DGKB: variants seen among roughly 807,000 people sequenced by gnomAD.
DGKB encodes the protein diacylglycerol kinase beta.
DGKB carries 67 observed loss-of-function variants against 114.3 expected under a neutral mutation model. That is an observed-to-expected ratio of 0.59 (90% confidence interval 0.48 to 0.72). DGKB has a LOEUF of 0.72. Among genes scored for constraint, DGKB ranks in the 30% least tolerant of loss-of-function variants. The pLI, the probability that DGKB is intolerant of heterozygous loss-of-function variation, is 0.00. For missense variants in DGKB, 907 were observed against 975.2 expected (o/e 0.93, Z 0.93); for synonymous variants, 398 against 323.1 (o/e 1.23, Z -2.49).
chr7:14,438,160 A>G (rs1829557817), intron 21 of DGKB, among the ~76,000 whole-genome samples: 1 of 152,094 alleles, frequency 6.6e-6, no homozygotes, highest in African/African-American at 2.4e-5. Context: ...ATTAATTCAA[A>G]CTTGACAGAT....
chr7:14,202,722 A>G (rs1786099639), intron 23 of DGKB, among the ~76,000 whole-genome samples: 1 of 152,006 alleles, frequency 6.6e-6, no homozygotes, highest in Non-Finnish European at 1.5e-5. Flanking sequence ...TAAAATTTAA[A>G]ATTCCGTCTT....
intron 6 of DGKB, among the ~76,000 whole-genome samples, chr7:14,704,723 C>G (rs1474016814): frequency 1.3e-5 from 2 of 152,110 alleles, no homozygotes; most frequent in Non-Finnish European, 2.9e-5. Flanking sequence ...ACACCTCACA[C>G]GGCAGGGTAT....
At chr7:14,795,270 G>T (rs1408492124) in intron 2 of DGKB, among the ~76,000 whole-genome samples, 1 of 152,174 alleles carries the variant, frequency 6.6e-6, no homozygotes, top group African/African-American at 2.4e-5. Context: ...TTAAGCAAAG[G>T]TTCTGCATTA....
intron 4 of DGKB, 121 bp downstream of exon 4, chr7:14,753,806 TG>T: frequency 1.4e-6 from 1 of 735,638 alleles, no homozygotes; most frequent in African/African-American, 1.8e-5. Flanking sequence ...TAGGCAACCT[TG>T]TATACTATAG....
chr7:14,680,013 C>T (rs1419088265), intron 12 of DGKB, among the ~76,000 whole-genome samples: 1 of 151,834 alleles, frequency 6.6e-6, no homozygotes, highest in African/African-American at 2.4e-5. Flanking sequence ...TAAAAATTTG[C>T]ACAAGTTGTG....
intron 1 of DGKB, among the ~76,000 whole-genome samples, chr7:14,854,998 T>TTGGTTC (rs1421674859): frequency 6.6e-6 from 1 of 152,100 alleles, no homozygotes; most frequent in Non-Finnish European, 1.5e-5. Flanking sequence ...AGAGACACCC[T>TTGGTTC]TCAAATGAAC....
chr7:14,331,628 T>C (rs1319326758), intron 23 of DGKB, among the ~76,000 whole-genome samples: 2 of 152,052 alleles, frequency 1.3e-5, no homozygotes, highest in Non-Finnish European at 2.9e-5. Flanking sequence ...AAAGCACACA[T>C]AGATTAATCT....
intron 23 of DGKB, among the ~76,000 whole-genome samples, chr7:14,302,031 C>T (rs1396382195): frequency 1.3e-5 from 2 of 152,028 alleles, no homozygotes; most frequent in African/African-American, 4.8e-5. Context: ...CTCTGTAATC[C>T]TACAGAGCAA....
chr7:14,424,654 GT>G (rs1287043725), intron 21 of DGKB, among the ~76,000 whole-genome samples: 1 of 151,990 alleles, frequency 6.6e-6, no homozygotes, highest in Non-Finnish European at 1.5e-5. Flanking sequence ...TAAAGGTATG[GT>G]TAAGCTTCAA....
chr7:14,340,039 C>T (rs1234358148), intron 22 of DGKB, among the ~76,000 whole-genome samples: 1 of 151,610 alleles, frequency 6.6e-6, no homozygotes, highest in African/African-American at 2.4e-5. Flanking sequence ...AAAATAAAAA[C>T]TGTGAAATAA....
intron 20 of DGKB, among the ~76,000 whole-genome samples, chr7:14,489,806 G>T (rs1784355173): frequency 6.6e-6 from 1 of 151,982 alleles, no homozygotes; most frequent in Non-Finnish European, 1.5e-5. Context: ...GGGGAAATGA[G>T]ATAGAAGAAA....
chr7:14,331,334 T>G (rs2128557488), intron 23 of DGKB, among the ~76,000 whole-genome samples: 1 of 152,156 alleles, frequency 6.6e-6, no homozygotes, highest in East Asian at 1.9e-4. Context: ...ATCCTTTTCT[T>G]GTTTCCAAAT....
At chr7:14,705,712 A>G (rs4431494) in intron 6 of DGKB, among the ~76,000 whole-genome samples, 81,737 of 144,002 alleles carry the variant, frequency 0.57, 23,674 homozygotes, top group East Asian at 0.85. Flanking sequence ...ATCCAGCCAA[A>G]CTAAGCTTCA....
At chr7:14,329,450 A>G (rs779274737) in intron 23 of DGKB, among the ~76,000 whole-genome samples, 7 of 152,018 alleles carry the variant, frequency 4.6e-5, no homozygotes, top group Non-Finnish European at 8.8e-5. Context: ...TTTATTCTCA[A>G]TTAGGTTGTA....
chr7:14,612,373 G>A (rs1243055304), intron 16 of DGKB, among the ~76,000 whole-genome samples: 1 of 151,764 alleles, frequency 6.6e-6, no homozygotes, highest in African/African-American at 2.4e-5. Flanking sequence ...GTTTCACTAT[G>A]TTGGCCAGGC....
intron 13 of DGKB, among the ~76,000 whole-genome samples, chr7:14,670,821 C>T (rs911159620): frequency 2.0e-5 from 3 of 151,920 alleles, no homozygotes; most frequent in Non-Finnish European, 4.4e-5. Context: ...CTACATTACC[C>T]CTGCTGGAAT....
At chr7:14,391,503 C>G (rs538375984) in intron 21 of DGKB, among the ~76,000 whole-genome samples, 1 of 141,690 alleles carries the variant, frequency 7.1e-6, no homozygotes, top group East Asian at 2.0e-4. Context: ...CATGGCCGGT[C>G]TACAAAAGAA....
intron 12 of DGKB, among the ~76,000 whole-genome samples, chr7:14,679,444 G>A (rs140900469): frequency 2.6e-4 from 40 of 152,072 alleles, no homozygotes; most frequent in African/African-American, 8.9e-4. Flanking sequence ...GTGAGGAGAC[G>A]ATCTTAAGAA....
chr7:14,187,920 T>A (rs945115175), intron 23 of DGKB, among the ~76,000 whole-genome samples: 7 of 151,846 alleles, frequency 4.6e-5, no homozygotes, highest in African/African-American at 1.7e-4. Context: ...GAGCAAGATA[T>A]AAGAGAACAC....
Sources: gnomAD v4.1 joint callset for allele counts (sites outside exome capture counted in the v4.1 genomes callset) on GRCh38, gnomAD v4.1.1 for gene constraint, MANE v1.5 for transcripts, NCBI Gene and HGNC (gene_info 2026-07-23, HGNC 2026-07-21) for gene names.